PTPRT: variants seen among roughly 807,000 people sequenced by gnomAD.
The protein encoded by PTPRT is receptor-type tyrosine-protein phosphatase T.
A neutral mutation model predicts 176.8 loss-of-function variants in PTPRT; 56 were observed. The observed-to-expected ratio is 0.32, with a 90% CI of 0.26 to 0.40. The LOEUF (loss-of-function observed/expected upper bound fraction) is 0.40, where lower values mean the gene tolerates loss of function less well. Among genes scored for constraint, PTPRT ranks in the 10% least tolerant of loss-of-function variants. The pLI is 1.00. For synonymous variants in PTPRT, 783 were observed against 739.0 expected, an observed-to-expected ratio of 1.06 and a Z score of -0.96; for missense variants, 1,540 against 1,908.2, an observed-to-expected ratio of 0.81 and a Z score of 3.60.
intron 7 of PTPRT, among the ~76,000 whole-genome samples, chr20:42,632,223 TTTG>T (rs1032987055): frequency 5.3e-5 from 8 of 152,166 alleles, no homozygotes; most frequent in South Asian, 2.1e-4. Flanking sequence ...CTATGCTGTT[TTTG>T]TTGTTGTTGT....
At chr20:42,529,515 C>A (rs2072340233) in intron 7 of PTPRT, among the ~76,000 whole-genome samples, 1 of 152,050 alleles carries the variant, frequency 6.6e-6, no homozygotes, top group African/African-American at 2.4e-5. Context: ...GAGATGGAGT[C>A]TCACTCTGCT....
At chr20:42,266,714 C>A (rs976837059) in intron 13 of PTPRT, among the ~76,000 whole-genome samples, 9 of 152,102 alleles carry the variant, frequency 5.9e-5, no homozygotes, top group African/African-American at 2.2e-4. Flanking sequence ...TAGAGAGCAA[C>A]AAGGAATAAA....
chr20:42,503,922 C>T (rs903423026), intron 7 of PTPRT, among the ~76,000 whole-genome samples: 4 of 152,134 alleles, frequency 2.6e-5, no homozygotes, highest in African/African-American at 9.7e-5. Context: ...GACTCCCTCA[C>T]TTCATTCAGG....
chr20:42,140,085 C>T lies in PTPRT; in HGVS notation c.2770+1830G>A, dbSNP rs181465068. Among the ~76,000 whole-genome samples, 4 of 152,354 alleles carry T rather than the reference C, an allele frequency of 2.6e-5. No individual in the cohort carries two copies. The East Asian group carries it at 7.7e-4, about 29-fold the overall frequency. On this transcript the variant is annotated intron_variant, in intron 18 of 30. Transcript: ENST00000373187. Reference sequence around the variant, plus strand: ...GGAAACAGCTAAGCTAAAACTTCTGCCTTTTTCTTCCTTTACAATCTGCCT... The same window carrying T: ...GGAAACAGCTAAGCTAAAACTTCTGTCTTTTTCTTCCTTTACAATCTGCCT...
At chr20:42,544,065 A>G (rs1378026841) in intron 7 of PTPRT, among the ~76,000 whole-genome samples, 3 of 152,188 alleles carry the variant, frequency 2.0e-5, no homozygotes, top group Non-Finnish European at 4.4e-5. Context: ...AAATAAGCAC[A>G]GTCTTCAACT....
chr20:42,965,105 C>G (rs933008623), intron 1 of PTPRT, among the ~76,000 whole-genome samples: 21 of 152,148 alleles, frequency 1.4e-4, no homozygotes, highest in Non-Finnish European at 2.8e-4. Flanking sequence ...CATATAACCC[C>G]ACCAACAAAT....
intron 7 of PTPRT, among the ~76,000 whole-genome samples, chr20:42,651,173 G>A (rs537166354): frequency 6.6e-6 from 1 of 152,180 alleles, no homozygotes; most frequent in South Asian, 2.1e-4. Flanking sequence ...TATTGTGAGA[G>A]AAAAAGATAA....
chr20:43,000,094 G>A (rs1248583802), intron 1 of PTPRT, among the ~76,000 whole-genome samples: 2 of 132,202 alleles, frequency 1.5e-5, no homozygotes, highest in Admixed American at 1.5e-4. Context: ...AGGGAGGGAG[G>A]GAGGGAATAA....
At chr20:42,903,710 A>G (rs2079437551) in intron 1 of PTPRT, among the ~76,000 whole-genome samples, 1 of 152,236 alleles carries the variant, frequency 6.6e-6, no homozygotes, top group Non-Finnish European at 1.5e-5. Flanking sequence ...TAAGGACAGA[A>G]TACAAAGAAG....
intron 1 of PTPRT, among the ~76,000 whole-genome samples, chr20:42,901,781 A>C (rs922894655): frequency 1.3e-5 from 2 of 152,222 alleles, no homozygotes; most frequent in African/African-American, 4.8e-5. Flanking sequence ...AGAGAAACCA[A>C]TGTCTTTCTC....
chr20:42,626,104 C>T (rs1466501722), intron 7 of PTPRT, among the ~76,000 whole-genome samples: 7 of 151,834 alleles, frequency 4.6e-5, no homozygotes, highest in Non-Finnish European at 1.0e-4. Context: ...TTTCAGTGAC[C>T]GTATTTTTCT....
chr20:42,863,332 C>T (rs2078693365), intron 2 of PTPRT, among the ~76,000 whole-genome samples: 1 of 152,214 alleles, frequency 6.6e-6, no homozygotes, highest in Admixed American at 6.5e-5. Context: ...CCACAGAATG[C>T]TAACTTCCAG....
chr20:42,673,108 A>G (rs2075440650), intron 7 of PTPRT, among the ~76,000 whole-genome samples: 1 of 152,200 alleles, frequency 6.6e-6, no homozygotes. Context: ...TGGGCAGAGG[A>G]GGTCCCCAGG....
intron 6 of PTPRT, among the ~76,000 whole-genome samples, chr20:42,728,798 T>C (rs2076417801): frequency 6.6e-6 from 1 of 152,154 alleles, no homozygotes; most frequent in African/African-American, 2.4e-5. Context: ...ACACACCAAG[T>C]CTTTCTGGCC....
chr20:42,547,408 A>T (rs4303766), intron 7 of PTPRT, among the ~76,000 whole-genome samples: 66,761 of 151,544 alleles, frequency 0.44, 14,962 homozygotes, highest in South Asian at 0.52. Flanking sequence ...ATGAAAAAAA[A>T]ATATATTATT....
chr20:42,616,288 T>C lies in PTPRT; in HGVS notation c.1153+61578A>G, dbSNP rs1254534268. 3.9e-4 allele frequency among the ~76,000 whole-genome samples: 48 copies of C among 123,092 alleles called. 8 individuals carry two copies. Among genetic ancestry groups the C allele is most frequent in the African/African-American group, 1.7e-3 (44 of 25,718 alleles). 80.8% of individuals were successfully genotyped at this position (123,092 alleles called of 152,430 possible). Reference sequence around the variant, plus strand: ...TTTCTGAGGGCTCTGTTCTGTTCCATTGATCTATATCTCTGTTTTGGTACC... The same window carrying C: ...TTTCTGAGGGCTCTGTTCTGTTCCACTGATCTATATCTCTGTTTTGGTACC... On this transcript the variant is annotated intron_variant, in intron 7 of 30. Transcript: ENST00000373187.
chr20:42,102,734 C>A (rs1986065621), intron 25 of PTPRT, among the ~76,000 whole-genome samples: 1 of 152,196 alleles, frequency 6.6e-6, no homozygotes, highest in South Asian at 2.1e-4. Flanking sequence ...CAGCCCTCTT[C>A]TCAGAGAGAA....
At chr20:42,201,289 G>GA (rs574995225) in intron 15 of PTPRT, among the ~76,000 whole-genome samples, 15 of 152,270 alleles carry the variant, frequency 9.9e-5, no homozygotes, top group East Asian at 9.7e-4. Flanking sequence ...GACAGAGTGA[G>GA]ACCCCATCAA....
In PTPRT at chr20:42,079,069, G is replaced by A. The variant is rs6102663; in HGVS notation, c.*1810C>T. ...CCTAGGTCCCAGCCCACCTGAGGCT[G>A]TCAGATATTGGGCCTAAGCACTGGC... On this transcript the variant is annotated 3_prime_UTR_variant, in exon 31 of 31. Coordinates refer to ENST00000373187, the MANE Select transcript of PTPRT (RefSeq NM_007050.6). 0.44 allele frequency: 80,148 copies of A among 182,476 alleles called. 17,992 individuals are homozygous for A. Among genetic ancestry groups the A allele is most frequent in the African/African-American group, 0.53 (22,351 of 42,494 alleles). 11.3% of individuals were successfully genotyped at this position (182,476 alleles called of 1,614,324 possible). A position where few individuals can be genotyped will look rare whatever the true frequency, so the allele number is the denominator to read the frequency against.
Sources: gnomAD v4.1 joint callset for allele counts (sites outside exome capture counted in the v4.1 genomes callset) on GRCh38, gnomAD v4.1.1 for gene constraint, MANE v1.5 for transcripts, NCBI Gene and HGNC (gene_info 2026-07-23, HGNC 2026-07-21) for gene names.